The following ARL8B variants were observed in gnomAD, a reference collection of about 807,000 sequenced individuals.
The protein encoded by ARL8B is ADP-ribosylation factor-like protein 8B.
A neutral mutation model predicts 30.6 loss-of-function variants in ARL8B; 9 were observed. The observed-to-expected ratio is 0.29, with a 90% CI of 0.18 to 0.51. The LOEUF is 0.51. Ranked by LOEUF, ARL8B falls within the 20% of genes least tolerant of loss-of-function variation. The pLI, the probability that ARL8B is intolerant of heterozygous loss-of-function variation, is 0.97. For synonymous variants in ARL8B, 74 were observed against 76.0 expected, an observed-to-expected ratio of 0.97 and a Z score of 0.14; for missense variants, 130 against 227.2, an observed-to-expected ratio of 0.57 and a Z score of 2.75.
chr3:5,126,804 T>G (rs574058437), intron 1 of ARL8B, among the ~76,000 whole-genome samples: 2 of 152,244 alleles, frequency 1.3e-5, no homozygotes, highest in South Asian at 2.1e-4. Flanking sequence ...CATTGCTAAC[T>G]GTTCTGGCAG....
At chr3:5,163,585 G>C (rs543560261) in intron 1 of ARL8B, among the ~76,000 whole-genome samples, 4 of 152,270 alleles carry the variant, frequency 2.6e-5, no homozygotes, top group Admixed American at 2.6e-4. Flanking sequence ...TAAAAAGACT[G>C]CTGCTGGGTG....
chr3:5,165,464 G>C (rs2054615864), intron 1 of ARL8B, among the ~76,000 whole-genome samples: 1 of 152,054 alleles, frequency 6.6e-6, no homozygotes, highest in Non-Finnish European at 1.5e-5. Flanking sequence ...CCCAGTGTGT[G>C]AATTTTGGAA....
chr3:5,145,112 A>C (rs949215213), intron 1 of ARL8B, among the ~76,000 whole-genome samples: 1 of 151,918 alleles, frequency 6.6e-6, no homozygotes, highest in Non-Finnish European at 1.5e-5. Context: ...ACTTGGGACA[A>C]CCCATCCACA....
chr3:5,131,914 C>T (rs752840231), intron 1 of ARL8B, among the ~76,000 whole-genome samples: 5 of 152,084 alleles, frequency 3.3e-5, no homozygotes, highest in Non-Finnish European at 7.4e-5. Context: ...GACAGGGTCT[C>T]ACCCTGTCAC....
intron 2 of ARL8B, 139 bp from the exon 3 acceptor site, chr3:5,172,011 C>A: frequency 2.8e-6 from 2 of 708,938 alleles, no homozygotes; most frequent in Non-Finnish European, 4.6e-6. Flanking sequence ...TGTTTGAGGT[C>A]AAGTCTTTCA....
At chr3:5,138,307 T>C (rs2054344967) in intron 1 of ARL8B, among the ~76,000 whole-genome samples, 1 of 152,156 alleles carries the variant, frequency 6.6e-6, no homozygotes, top group Non-Finnish European at 1.5e-5. Context: ...TTCAAGCTTT[T>C]GTACAAATAA....
At chr3:5,131,411 G>A (rs1364693742) in intron 1 of ARL8B, among the ~76,000 whole-genome samples, 1 of 148,174 alleles carries the variant, frequency 6.7e-6, no homozygotes, top group Admixed American at 6.8e-5. Context: ...TTTTTTTTGA[G>A]ACAGAGTCTC....
chr3:5,158,071 G>A lies in ARL8B; in HGVS notation c.124-12432G>A, dbSNP rs75658164. The stretch of plus-strand genomic sequence containing the variant: ...GCTCACTGCAGCCTCCGCCTCCTGG[G>A]TTCAAATGATTGTCCTGCCTCAGCC... On this transcript the variant is annotated intron_variant, in intron 1 of 6. Coordinates refer to ENST00000256496, the MANE Select transcript of ARL8B (RefSeq NM_018184.3). Among the ~76,000 whole-genome samples the A allele has an allele frequency of 8.4e-3, 1,277 of 152,140 alleles. 22 individuals carry two copies. Among genetic ancestry groups the A allele is most frequent in the African/African-American group, 0.03 (1,225 of 41,488 alleles).
chr3:5,140,115 C>T (rs902260645), intron 1 of ARL8B, among the ~76,000 whole-genome samples: 9 of 151,196 alleles, frequency 6.0e-5, no homozygotes, highest in Admixed American at 3.3e-4. Context: ...CTTTGGGGAG[C>T]GTGTGTGGCA....
At chr3:5,161,383 T>A (rs2054578942) in intron 1 of ARL8B, among the ~76,000 whole-genome samples, 1 of 152,186 alleles carries the variant, frequency 6.6e-6, no homozygotes. Flanking sequence ...GTCTGAAGTG[T>A]ATCAAGAGCC....
intron 1 of ARL8B, among the ~76,000 whole-genome samples, chr3:5,149,938 C>T (rs546695109): frequency 1.3e-5 from 2 of 152,206 alleles, no homozygotes; most frequent in Non-Finnish European, 2.9e-5. Context: ...GTTTGTAGAA[C>T]TTTGCTGTGG....
intron 1 of ARL8B, among the ~76,000 whole-genome samples, chr3:5,130,536 T>G (rs77268404): frequency 3.6e-4 from 54 of 149,886 alleles, no homozygotes; most frequent in Middle Eastern, 3.5e-3. Flanking sequence ...GTGTGTGTGT[T>G]TTTTTTTTTG....
At chr3:5,171,522 A>AT (rs891868791) in intron 2 of ARL8B, among the ~76,000 whole-genome samples, 33 of 151,736 alleles carry the variant, frequency 2.2e-4, no homozygotes, top group East Asian at 9.7e-4. Context: ...AATTTTTTGT[A>AT]TTTTTAGTAG....
intron 1 of ARL8B, among the ~76,000 whole-genome samples, chr3:5,125,487 C>G (rs181835855): frequency 1.5e-4 from 22 of 146,634 alleles, no homozygotes; most frequent in African/African-American, 5.5e-4. Context: ...AACAACAAAA[C>G]TTCTGCAAAG....
chr3:5,134,958 G>A (rs2054312306), intron 1 of ARL8B, among the ~76,000 whole-genome samples: 1 of 151,796 alleles, frequency 6.6e-6, no homozygotes, highest in Admixed American at 6.6e-5. Context: ...TGCGATTCTT[G>A]TGCCTTCACC....
At chr3:5,140,036 G>T (rs2054358822) in intron 1 of ARL8B, among the ~76,000 whole-genome samples, 1 of 150,150 alleles carries the variant, frequency 6.7e-6, no homozygotes, top group African/African-American at 2.5e-5. Flanking sequence ...GCCCAGGCTG[G>T]AGTGCAGTGG....
chr3:5,132,537 C>T (rs972466515), intron 1 of ARL8B, among the ~76,000 whole-genome samples: 2 of 152,134 alleles, frequency 1.3e-5, no homozygotes, highest in Non-Finnish European at 2.9e-5. Context: ...CTGCGCCCGG[C>T]TCCTCTCATT....
chr3:5,168,620 G>A (rs1232966049), intron 1 of ARL8B, among the ~76,000 whole-genome samples: 2 of 152,242 alleles, frequency 1.3e-5, no homozygotes. Context: ...AAGTGCTGTA[G>A]TTGATGTTCA....
intron 1 of ARL8B, among the ~76,000 whole-genome samples, chr3:5,132,851 A>G (rs1302955907): frequency 6.6e-6 from 1 of 152,222 alleles, no homozygotes; most frequent in Non-Finnish European, 1.5e-5. Flanking sequence ...AAGTGCCTTA[A>G]GATACAAAAT....
Sources: allele counts gnomAD v4.1 joint callset (sites outside exome capture counted in the v4.1 genomes callset), GRCh38; gene constraint gnomAD v4.1.1; transcripts MANE v1.5; gene names NCBI Gene and HGNC (gene_info 2026-07-23, HGNC 2026-07-21).